The following GAB2 variants were observed in gnomAD, a reference collection of about 807,000 sequenced individuals.
The protein encoded by GAB2 is GRB2-associated-binding protein 2.
Under a neutral mutation model 65.5 loss-of-function variants are expected in GAB2, and 26 were observed. That is an observed-to-expected ratio of 0.40 (90% CI 0.29 to 0.55). GAB2 has a LOEUF of 0.55. Among genes scored for constraint, GAB2 ranks in the 20% least tolerant of loss-of-function variants. The pLI is 0.53. For missense variants in GAB2, 884 were observed against 875.8 expected (o/e 1.01, Z -0.12); for synonymous variants, 321 against 329.6 (o/e 0.97, Z 0.28).
intron 1 of GAB2, among the ~76,000 whole-genome samples, chr11:78,356,102 A>G (rs1341424225): frequency 6.7e-6 from 1 of 150,286 alleles, no homozygotes; most frequent in African/African-American, 2.4e-5. Flanking sequence ...GAACCTGGGA[A>G]GTGGTGGTTG....
At chr11:78,409,891 A>G (rs1156299315) in intron 1 of GAB2, among the ~76,000 whole-genome samples, 2 of 152,220 alleles carry the variant, frequency 1.3e-5, no homozygotes, top group Non-Finnish European at 2.9e-5. Flanking sequence ...AAACCTTGAC[A>G]AGTTAAAAAT....
chr11:78,253,004 CT>C (rs984989129), intron 2 of GAB2, among the ~76,000 whole-genome samples: 116 of 106,948 alleles, frequency 1.1e-3, no homozygotes, highest in Middle Eastern at 8.3e-3. Flanking sequence ...AATATCTTTC[CT>C]TTTTTTTTTT....
At chr11:78,344,599 C>A (rs1856150538) in intron 1 of GAB2, among the ~76,000 whole-genome samples, 1 of 152,060 alleles carries the variant, frequency 6.6e-6, no homozygotes, top group African/African-American at 2.4e-5. Context: ...TATAGTGTTG[C>A]AAAGAATATT....
chr11:78,323,830 C>A (rs1309055960), intron 1 of GAB2, among the ~76,000 whole-genome samples: 1 of 119,290 alleles, frequency 8.4e-6, no homozygotes, highest in Non-Finnish European at 1.6e-5. Flanking sequence ...CAAAGCCTGG[C>A]TCTGTTGCCC....
chr11:78,371,563 C>T (rs921915280), intron 1 of GAB2, among the ~76,000 whole-genome samples: 1 of 152,202 alleles, frequency 6.6e-6, no homozygotes, highest in Non-Finnish European at 1.5e-5. Flanking sequence ...CATCACTCTG[C>T]CCAACATTGT....
At chr11:78,348,226 T>C (rs975849521) in intron 1 of GAB2, among the ~76,000 whole-genome samples, 1 of 152,200 alleles carries the variant, frequency 6.6e-6, no homozygotes, top group Admixed American at 6.5e-5. Flanking sequence ...GTGTCACTTT[T>C]ACTGAAAAGA....
chr11:78,341,458 C>A (rs181104128), intron 1 of GAB2, among the ~76,000 whole-genome samples: 2 of 152,214 alleles, frequency 1.3e-5, no homozygotes, highest in East Asian at 3.9e-4. Flanking sequence ...CACTAGTAGA[C>A]CCTGGGATTA....
rs5792803 is a variant in GAB2, at chr11:78,309,464, C to CTTT, written c.76-28566_76-28564dup. Among the ~76,000 whole-genome samples, 252 of 137,432 alleles carry CTTT rather than the reference C, an allele frequency of 1.8e-3. 1 individual carries two copies. Among genetic ancestry groups the CTTT allele is most frequent in the Non-Finnish European group, 3.1e-3 (198 of 63,964 alleles). 90.2% of individuals were successfully genotyped at this position (137,432 alleles called of 152,430 possible). A position where few individuals can be genotyped will look rare whatever the true frequency, so the allele number is the denominator to read the frequency against. ...CTTGTGGTTAAACCCTGCCCCCTGC[C>CTTT]TTTTTTTTTTTTTTTTTTAAATTGA... On this transcript the variant is annotated intron_variant, in intron 1 of 9. Coordinates refer to ENST00000361507, the MANE Select transcript of GAB2 (RefSeq NM_080491.3).
At chr11:78,316,136 C>G (rs1243324886) in intron 1 of GAB2, among the ~76,000 whole-genome samples, 1 of 152,142 alleles carries the variant, frequency 6.6e-6, no homozygotes, top group East Asian at 1.9e-4. Flanking sequence ...GCACGGGGGG[C>G]CAGGGGGTGG....
intron 2 of GAB2, among the ~76,000 whole-genome samples, chr11:78,258,824 G>A (rs528916784): frequency 6.6e-6 from 1 of 151,506 alleles, no homozygotes. Flanking sequence ...CCATATATAG[G>A]GTACCCTTTT....
intron 1 of GAB2, among the ~76,000 whole-genome samples, chr11:78,287,011 A>C (rs1463087035): frequency 1.3e-5 from 2 of 152,266 alleles, no homozygotes; most frequent in African/African-American, 4.8e-5. Flanking sequence ...CATAAAATAC[A>C]AATAGAATTC....
chr11:78,342,791 C>T (rs1856120910), intron 1 of GAB2, among the ~76,000 whole-genome samples: 2 of 152,262 alleles, frequency 1.3e-5, no homozygotes, highest in South Asian at 4.1e-4. Flanking sequence ...AGGTTCACAT[C>T]ATTTAGACAT....
intron 9 of GAB2, 51 bp downstream of exon 9, chr11:78,220,268 C>T (rs1864354400): frequency 1.2e-6 from 2 of 1,605,354 alleles, no homozygotes; most frequent in Non-Finnish European, 1.7e-6. Flanking sequence ...ATGATCTCTG[C>T]CTCCGGGACC....
At chr11:78,400,175 T>TGG (rs777102250) in intron 1 of GAB2, among the ~76,000 whole-genome samples, 2 of 152,194 alleles carry the variant, frequency 1.3e-5, no homozygotes, top group Non-Finnish European at 2.9e-5. Context: ...GGAATTTTAC[T>TGG]GGCCCCACAC....
At chr11:78,358,281 A>T (rs1427388481) in intron 1 of GAB2, among the ~76,000 whole-genome samples, 1 of 101,078 alleles carries the variant, frequency 9.9e-6, no homozygotes, top group Non-Finnish European at 1.8e-5. Context: ...AACATCACAC[A>T]CCGGGGCCTG....
chr11:78,284,979 A>G lies in GAB2; in HGVS notation c.76-4078T>C, dbSNP rs116714536. 7.7e-3 allele frequency among the ~76,000 whole-genome samples: 1,178 copies of G among 152,316 alleles called. 14 individuals are homozygous for G. Among genetic ancestry groups the G allele is most frequent in the African/African-American group, 0.027 (1,116 of 41,562 alleles). ...GGTGCCCAATAAGCCTTAGACTGAA[A>G]TGAAAATTGAGGTATAGCCAGATAG... On this transcript the variant is annotated intron_variant, in intron 1 of 9. Transcript: ENST00000361507.
intron 1 of GAB2, among the ~76,000 whole-genome samples, chr11:78,394,103 A>G (rs1185180255): frequency 2.0e-5 from 3 of 151,796 alleles, no homozygotes; most frequent in Non-Finnish European, 1.5e-5. Context: ...CTTGGCCAAC[A>G]TGGTGAAACC....
In GAB2 at chr11:78,240,672, G is replaced by A. The variant is rs143044650; in HGVS notation, c.620+9485C>T. On this transcript the variant is annotated intron_variant, in intron 3 of 9. Coordinates refer to ENST00000361507, the MANE Select transcript of GAB2 (RefSeq NM_080491.3). ...AATCCCTGGGACCCAAGTTGCCATT[G>A]AGCCTTATTGACTCAGGTTCCCAAA... Among the ~76,000 whole-genome samples, 23 of 152,250 alleles carry A rather than the reference G, an allele frequency of 1.5e-4. No individual in the cohort carries two copies. The East Asian group carries it at 4.1e-3, about 27-fold the overall frequency.
At chr11:78,264,001 T>A (rs1420944887) in intron 2 of GAB2, among the ~76,000 whole-genome samples, 2 of 152,116 alleles carry the variant, frequency 1.3e-5, no homozygotes, top group African/African-American at 4.8e-5. Flanking sequence ...CAGCTTTTAT[T>A]TACCAATCTA....
Sources: gnomAD v4.1 joint callset for allele counts (sites outside exome capture counted in the v4.1 genomes callset) on GRCh38, gnomAD v4.1.1 for gene constraint, MANE v1.5 for transcripts, NCBI Gene and HGNC (gene_info 2026-07-23, HGNC 2026-07-21) for gene names.